Variants in DCLRE1C observed in about 807,000 individuals in gnomAD.
DCLRE1C encodes the protein protein artemis.
In DCLRE1C, 47 loss-of-function variants were observed where a neutral mutation model predicts 61.4. The ratio of observed to expected loss-of-function variants is 0.77; its 90% CI spans 0.61 to 0.98. The LOEUF is 0.98. Ranked by LOEUF, DCLRE1C falls within the 50% of genes least tolerant of loss-of-function variation. The pLI is 0.00. For missense variants in DCLRE1C, 858 were observed against 816.0 expected, an observed-to-expected ratio of 1.05 and a Z score of -0.63; for synonymous variants, 337 against 287.6, an observed-to-expected ratio of 1.17 and a Z score of -1.74.
In DCLRE1C at chr10:14,932,972, A is replaced by G. The variant is rs1426213561; in HGVS notation, c.679-17T>C. 4 of 1,610,262 alleles carry G rather than the reference A, an allele frequency of 2.5e-6. No individual in the cohort carries two copies. Among genetic ancestry groups the G allele is most frequent in the African/African-American group, 2.7e-5 (2 of 74,996 alleles). On this transcript the variant is annotated splice_polypyrimidine_tract_variant and intron_variant, in intron 8 of 13. Coordinates refer to ENST00000378278, the MANE Select transcript of DCLRE1C (RefSeq NM_001033855.3). ...CACATGAACCTAAGGCAAATAATACATACATGCAAATTATGTGAAATGTAT... is the reference window on the plus strand; with the variant it reads ...CACATGAACCTAAGGCAAATAATACGTACATGCAAATTATGTGAAATGTAT...
At chr10:14,930,277 C>CTTTTTTTT (rs1564425216) in intron 9 of DCLRE1C, among the ~76,000 whole-genome samples, 1 of 127,432 alleles carries the variant, frequency 7.8e-6, no homozygotes, top group African/African-American at 3.2e-5. Flanking sequence ...ACACTCAGCA[C>CTTTTTTTT]CTTTTTTTTT....
At chr10:14,943,989 C>T (rs1356876887) in intron 3 of DCLRE1C, among the ~76,000 whole-genome samples, 1 of 152,124 alleles carries the variant, frequency 6.6e-6, no homozygotes, top group African/African-American at 2.4e-5. Context: ...TTTTCCTCCC[C>T]TTGACTACCT....
intron 10 of DCLRE1C, 26 bp from the exon 11 acceptor site, chr10:14,926,923 A>T (rs367699700): frequency 1.2e-6 from 2 of 1,606,702 alleles, no homozygotes; most frequent in Non-Finnish European, 1.7e-6. Flanking sequence ...AACACAAAAT[A>T]AAAAGATCAC....
intron 13 of DCLRE1C, among the ~76,000 whole-genome samples, chr10:14,915,357 T>C (rs1222139571): frequency 6.6e-6 from 1 of 151,506 alleles, no homozygotes; most frequent in African/African-American, 2.4e-5. Context: ...AACCAAAAAC[T>C]TCTTATTTGA....
intron 1 of DCLRE1C, 119 bp from the exon 2 acceptor site, chr10:14,949,206 A>G (rs892099729): frequency 1.4e-6 from 1 of 726,194 alleles, no homozygotes; most frequent in African/African-American, 1.8e-5. Context: ...TGCTTTTATA[A>G]GAATTGATTC....
At chr10:14,947,665 T>G (rs1208699070) in intron 2 of DCLRE1C, 2 of 152,260 alleles carry the variant, frequency 1.3e-5, no homozygotes, top group South Asian at 2.1e-4. Context: ...GAAGCTCTAA[T>G]GACAATGTCA....
Position 14,908,714 on chromosome 10 carries a change from C to T in DCLRE1C, c.1773G>A (p.Met591Ile), listed in dbSNP as rs764464249. 1.2e-6 allele frequency: 2 copies of T among 1,614,182 alleles called. No homozygotes were observed. The highest frequency in any genetic ancestry group is 4.5e-5 in the East Asian group (2 of 44,884). ...CCTTTGGGCAAATTACATTTTGTTC[C>T]ATGAGAGAGGCAGGAATATTCTCTT... ...TIKENIPASL[M>I]EQNVICPKDT... is the part of the protein sequence containing the mutation. The change falls in exon 14 of 14, where the codon ATG becomes ATA. Residue 591 changes from methionine (M) to isoleucine (I), a missense_variant. This residue lies in a region of DCLRE1C where 843 missense variants were observed against 783.5 expected (regional missense o/e 1.08). Coordinates refer to ENST00000378278, the MANE Select transcript of DCLRE1C (RefSeq NM_001033855.3).
intron 13 of DCLRE1C, among the ~76,000 whole-genome samples, chr10:14,911,508 TAC>T (rs1336392602): frequency 6.6e-6 from 1 of 152,204 alleles, no homozygotes; most frequent in African/African-American, 2.4e-5. Flanking sequence ...AGCAGGAAGA[TAC>T]AGTCAAAACT....
At chr10:14,949,980 G>A (rs1005938212) in intron 1 of DCLRE1C, among the ~76,000 whole-genome samples, 1 of 152,164 alleles carries the variant, frequency 6.6e-6, no homozygotes, top group African/African-American at 2.4e-5. Context: ...GGGAGGTAGA[G>A]GTTGCAGTGA....
In DCLRE1C at chr10:14,908,583, C is replaced by CT. The variant is rs760288938; in HGVS notation, c.1903dup (p.Ser635LysfsTer6). 370 of 1,614,130 alleles carry CT rather than the reference C, an allele frequency of 2.3e-4. 2 individuals carry two copies. The Middle Eastern group carries it at 3.0e-3, about 13-fold the overall frequency. Reference sequence around the variant, plus strand: ...TGCATTTGTGCTAAGATTTAGCAAACTTTTTTCCTCGGGTATATGTGTCTC... The same window carrying CT: ...TGCATTTGTGCTAAGATTTAGCAAACTTTTTTTCCTCGGGTATATGTGTCTC... On this transcript the variant is annotated frameshift_variant, in exon 14 of 14. Transcript: ENST00000378278. LOFTEE classifies it high-confidence loss of function.
chr10:14,905,344 C>T lies in DCLRE1C; in HGVS notation c.*3064G>A, dbSNP rs1440089845. The stretch of plus-strand genomic sequence containing the variant: ...TCAGAAATTTTTGAGCATTGTCACT[C>T]ACCAGGTACGTAAACATACTATGGT... On this transcript the variant is annotated 3_prime_UTR_variant, in exon 14 of 14. Transcript: ENST00000378278. Among the ~76,000 whole-genome samples the T allele has an allele frequency of 3.4e-4, 52 of 152,328 alleles. No individual in the cohort carries two copies. Among genetic ancestry groups the T allele is most frequent in the African/African-American group, 2.4e-5 (1 of 41,580 alleles).
intron 12 of DCLRE1C, among the ~76,000 whole-genome samples, chr10:14,922,001 G>A (rs888777942): frequency 3.3e-5 from 5 of 152,320 alleles, no homozygotes; most frequent in Non-Finnish European, 2.9e-5. Context: ...TCCCTGACAC[G>A]GGGCCTCATT....
intron 11 of DCLRE1C, among the ~76,000 whole-genome samples, chr10:14,924,069 C>G (rs915443070): frequency 1.3e-5 from 2 of 152,228 alleles, no homozygotes; most frequent in Non-Finnish European, 2.9e-5. Flanking sequence ...CATTGACACA[C>G]AGGCTTAAGT....
chr10:14,951,624 C>T (rs1253152676), intron 1 of DCLRE1C, among the ~76,000 whole-genome samples: 2 of 152,002 alleles, frequency 1.3e-5, no homozygotes, highest in South Asian at 2.1e-4. Flanking sequence ...GATCAAGATG[C>T]GGGGCGATTT....
At chr10:14,922,704 A>G (rs1837313353) in intron 12 of DCLRE1C, among the ~76,000 whole-genome samples, 1 of 152,162 alleles carries the variant, frequency 6.6e-6, no homozygotes, top group South Asian at 2.1e-4. Flanking sequence ...CAGAATGACT[A>G]GCTCAGAGAA....
At chr10:14,938,563 T>G (rs114399900) in intron 4 of DCLRE1C, among the ~76,000 whole-genome samples, 6 of 151,832 alleles carry the variant, frequency 4.0e-5, no homozygotes, top group South Asian at 2.1e-4. Context: ...TTAACCAAAA[T>G]AGGAAAATAC....
At chr10:14,915,887 A>C (rs1836103558) in intron 13 of DCLRE1C, among the ~76,000 whole-genome samples, 1 of 152,166 alleles carries the variant, frequency 6.6e-6, no homozygotes, top group South Asian at 2.1e-4. Context: ...TCTTACCATA[A>C]TACTTAAAAA....
chr10:14,918,714 A>C (rs1836620284), intron 13 of DCLRE1C, among the ~76,000 whole-genome samples: 1 of 152,188 alleles, frequency 6.6e-6, no homozygotes, highest in Admixed American at 6.5e-5. Context: ...TCTGAAATTA[A>C]TGGAACTGTT....
At chr10:14,910,471 AT>A (rs1036953931) in intron 13 of DCLRE1C, among the ~76,000 whole-genome samples, 2 of 151,842 alleles carry the variant, frequency 1.3e-5, no homozygotes, top group Admixed American at 6.6e-5. Context: ...TGCCCAGCTA[AT>A]TTTTTTTAGA....
Sources: allele counts gnomAD v4.1 joint callset (sites outside exome capture counted in the v4.1 genomes callset), GRCh38; gene constraint gnomAD v4.1.1; regional missense constraint gnomAD v4.1.1; transcripts MANE v1.5; gene names NCBI Gene and HGNC (gene_info 2026-07-23, HGNC 2026-07-21).